The following CCSER1 variants were observed in gnomAD, a reference collection of about 807,000 sequenced individuals.
CCSER1 encodes the protein coiled-coil serine rich protein 1.
In CCSER1, 41 loss-of-function variants were observed where a neutral mutation model predicts 82.0. The ratio of observed to expected loss-of-function variants is 0.50; its 90% confidence interval spans 0.39 to 0.65. The LOEUF (loss-of-function observed/expected upper bound fraction) is 0.65, where lower values mean the gene tolerates loss of function less well. CCSER1 is among the 30% of genes least tolerant of loss of function. CCSER1 has a pLI of 0.00. For synonymous variants in CCSER1, 414 were observed against 383.9 expected (o/e 1.08, Z -0.92); for missense variants, 1,119 against 1,064.2 (o/e 1.05, Z -0.72).
chr4:90,241,434 C>T (rs915671533), intron 1 of CCSER1, among the ~76,000 whole-genome samples: 1 of 152,124 alleles, frequency 6.6e-6, no homozygotes, highest in South Asian at 2.1e-4. Context: ...TTATGAACGA[C>T]AGTAACAGCT....
chr4:90,532,835 T>G (rs562857226), intron 5 of CCSER1, among the ~76,000 whole-genome samples: 22 of 152,282 alleles, frequency 1.4e-4, no homozygotes, highest in Non-Finnish European at 2.5e-4. Context: ...GTACTTTGAG[T>G]AGCTTCCTCC....
chr4:90,608,101 TAATA>T (rs750875785), intron 5 of CCSER1, among the ~76,000 whole-genome samples: 6 of 152,212 alleles, frequency 3.9e-5, no homozygotes, highest in Non-Finnish European at 4.4e-5. Context: ...TTAGGGATCT[TAATA>T]AATAAGAACA....
chr4:91,451,135 C>T lies in CCSER1; in HGVS notation c.2218-147437C>T, dbSNP rs544287032. Among the ~76,000 whole-genome samples, 129 of 152,062 alleles carry T rather than the reference C, an allele frequency of 8.5e-4. 1 individual carries two copies. In the South Asian group the frequency reaches 0.024, roughly 28 times the overall value. On this transcript the variant is annotated intron_variant, in intron 10 of 10. Coordinates refer to ENST00000509176, the MANE Select transcript of CCSER1 (RefSeq NM_001145065.2). Reference sequence around the variant, plus strand: ...TCCTCACATAGAAGAAAAGGGGAACCCCAGCTTGTTTGGGCTTACTTTATA... The same window carrying T: ...TCCTCACATAGAAGAAAAGGGGAACTCCAGCTTGTTTGGGCTTACTTTATA...
At chr4:90,915,835 T>C (rs1419459792) in intron 8 of CCSER1, among the ~76,000 whole-genome samples, 1 of 151,986 alleles carries the variant, frequency 6.6e-6, no homozygotes, top group Admixed American at 6.6e-5. Context: ...ACAAAATCAA[T>C]GTGCAAAAAT....
chr4:90,486,180 T>C (rs763536268), intron 5 of CCSER1, among the ~76,000 whole-genome samples: 5 of 152,180 alleles, frequency 3.3e-5, no homozygotes, highest in Non-Finnish European at 7.4e-5. Flanking sequence ...CTCCCACCCC[T>C]CAATCTAGGA....
At chr4:90,795,054 C>A (rs1049679520) in intron 7 of CCSER1, among the ~76,000 whole-genome samples, 4 of 151,998 alleles carry the variant, frequency 2.6e-5, no homozygotes, top group Admixed American at 6.6e-5. Context: ...CTTTGGGAGG[C>A]AGAGGGTGGG....
At chr4:90,376,121 T>G (rs1055402806) in intron 3 of CCSER1, among the ~76,000 whole-genome samples, 2 of 152,130 alleles carry the variant, frequency 1.3e-5, no homozygotes, top group Admixed American at 1.3e-4. Context: ...CCTTCAAGTG[T>G]TTAAGGAAAA....
intron 10 of CCSER1, among the ~76,000 whole-genome samples, chr4:91,302,285 G>T (rs945711003): frequency 7.2e-5 from 11 of 151,886 alleles, no homozygotes; most frequent in Non-Finnish European, 1.3e-4. Context: ...CTGTTTTCAC[G>T]CCAAGAGATC....
intron 5 of CCSER1, among the ~76,000 whole-genome samples, chr4:90,618,360 G>A (rs1369680012): frequency 6.6e-6 from 1 of 151,776 alleles, no homozygotes; most frequent in Non-Finnish European, 1.5e-5. Context: ...AACACTTATA[G>A]CTCTTAGATT....
chr4:91,375,369 T>G (rs544960039), intron 10 of CCSER1, among the ~76,000 whole-genome samples: 99 of 152,296 alleles, frequency 6.5e-4, no homozygotes, highest in African/African-American at 2.3e-3. Context: ...ATAAACTTAG[T>G]TGATAAAGCA....
chr4:90,506,003 T>G (rs1770626275), intron 5 of CCSER1, among the ~76,000 whole-genome samples: 1 of 152,190 alleles, frequency 6.6e-6, no homozygotes, highest in African/African-American at 2.4e-5. Flanking sequence ...ACTTACAACT[T>G]TGTCTTGCGA....
chr4:90,811,995 C>CACACACACACATATAT (rs367800484), intron 7 of CCSER1, among the ~76,000 whole-genome samples: 1,868 of 142,758 alleles, frequency 0.013, 46 homozygotes, highest in African/African-American at 0.046. Flanking sequence ...TATATAAACA[C>CACACACACACATATAT]ATATATATAT....
At chr4:91,224,655 T>A (rs1738009181) in intron 10 of CCSER1, among the ~76,000 whole-genome samples, 1 of 152,096 alleles carries the variant, frequency 6.6e-6, no homozygotes, top group African/African-American at 2.4e-5. Flanking sequence ...TTAGGAAACC[T>A]AAAGGGTCAA....
At chr4:90,644,856 C>T (rs1009851035) in intron 6 of CCSER1, among the ~76,000 whole-genome samples, 1 of 151,728 alleles carries the variant, frequency 6.6e-6, no homozygotes. Context: ...CCGAGGCAGG[C>T]AGATCACCTG....
intron 10 of CCSER1, among the ~76,000 whole-genome samples, chr4:91,513,017 GAGAGTGGGC>G: frequency 6.6e-6 from 1 of 152,112 alleles, no homozygotes. Context: ...TAGGAGTGGT[GAGAGTGGGC>G]ATCCTTGTTT....
chr4:90,840,553 T>C (rs1762451653), intron 8 of CCSER1, among the ~76,000 whole-genome samples: 1 of 152,228 alleles, frequency 6.6e-6, no homozygotes, highest in African/African-American at 2.4e-5. Flanking sequence ...CCGCCCTGCA[T>C]TTCAGCAAAT....
chr4:91,281,968 G>A (rs934140399), intron 10 of CCSER1, among the ~76,000 whole-genome samples: 1 of 151,972 alleles, frequency 6.6e-6, no homozygotes, highest in South Asian at 2.1e-4. Flanking sequence ...TAATAATAGA[G>A]CTTTTAAAAA....
At chr4:90,281,653 A>G (rs1028316317) in intron 1 of CCSER1, among the ~76,000 whole-genome samples, 1 of 152,066 alleles carries the variant, frequency 6.6e-6, no homozygotes, top group Non-Finnish European at 1.5e-5. Context: ...AGTGATTCAT[A>G]GGAATGAATT....
chr4:90,130,149 C>T (rs545969615), intron 1 of CCSER1, among the ~76,000 whole-genome samples: 1 of 152,078 alleles, frequency 6.6e-6, no homozygotes, highest in Non-Finnish European at 1.5e-5. Context: ...TTTTATTACT[C>T]ATCATAATGC....
Sources: gnomAD v4.1 joint callset for allele counts (sites outside exome capture counted in the v4.1 genomes callset) on GRCh38, gnomAD v4.1.1 for gene constraint, MANE v1.5 for transcripts, NCBI Gene and HGNC (gene_info 2026-07-23, HGNC 2026-07-21) for gene names.